Variants in STOML2 observed in about 807,000 individuals in gnomAD.
The protein encoded by STOML2 is stomatin like 2, also known as stomatin-like protein 2, mitochondrial.
In STOML2, 22 loss-of-function variants were observed where a neutral mutation model predicts 45.7. The observed-to-expected ratio is 0.48, with a 90% CI of 0.34 to 0.69. The LOEUF is 0.69. STOML2 is among the 30% of genes least tolerant of loss of function. The pLI, the probability that STOML2 is intolerant of heterozygous loss-of-function variation, is 0.01. For missense variants in STOML2, 359 were observed against 466.9 expected, an observed-to-expected ratio of 0.77 and a Z score of 2.13; for synonymous variants, 181 against 182.7, an observed-to-expected ratio of 0.99 and a Z score of 0.08.
chr9:35,100,141 G>A lies in STOML2; in HGVS notation c.965C>T (p.Ala322Val), dbSNP rs1829787069. ...TGAGTCTGGAGTCCCTGGCACTGGG[G>A]CTTTGGTGAGGGCTCCATATACACC... is the stretch of plus-strand genomic sequence containing the variant. ...AMGVYGALTK[A>V]PVPGTPDSLS... The change falls in exon 10 of 10, where the codon GCC (alanine) becomes GTC (valine). Residue 322 changes from alanine to valine, a missense_variant. By Grantham distance (64) the Ala-to-Val change is moderately conservative (BLOSUM62 0). This residue lies in a region of STOML2 where 285 missense variants were observed against 422.0 expected (regional missense o/e 0.68). Coordinates refer to ENST00000356493, the MANE Select transcript of STOML2 (RefSeq NM_013442.3). The A allele has an allele frequency of 6.2e-7, 1 of 1,614,058 alleles. No homozygotes were observed. Among genetic ancestry groups the A allele is most frequent in the African/African-American group, 1.3e-5 (1 of 74,918 alleles).
Position 35,102,473 on chromosome 9 carries a change from G to A in STOML2, c.183+213C>T. On this transcript the variant is annotated intron_variant, in intron 2 of 9. Transcript: ENST00000356493. The surrounding 1 kb of genome is among the most constrained non-coding windows in gnomAD (Gnocchi z 4.8). ...AGACTGAGAGGTAGGGCTGAGAGTG[G>A]GCAGGGGAGATTCCCAAGAATGGGG... The A allele has an allele frequency of 1.3e-6, 1 of 783,260 alleles. No individual in the cohort carries two copies. Among genetic ancestry groups the A allele is most frequent in the Non-Finnish European group, 2.0e-6 (1 of 498,632 alleles). The allele number at this position is 783,260 out of a possible 1,614,324, so 48.5% of individuals were successfully genotyped here. A position where few individuals can be genotyped will look rare whatever the true frequency, so the allele number is the denominator to read the frequency against.
rs769316607 is a variant in STOML2, at chr9:35,100,997, C to T, written c.739G>A (p.Val247Ile). 1 of 1,614,074 alleles carries T rather than the reference C, an allele frequency of 6.2e-7. No individual in the cohort carries two copies. The highest frequency in any genetic ancestry group is 8.5e-7 in the Non-Finnish European group (1 of 1,179,966). The change falls in exon 8 of 10, where the codon GTT (valine) becomes ATT (isoleucine). Residue 247 changes from valine to isoleucine, a missense_variant. This residue lies in a region of STOML2 where 285 missense variants were observed against 422.0 expected (regional missense o/e 0.68). Transcript: ENST00000356493. ...INQAAGEASA[V>I]LAKAKAKAEA... is the part of the protein sequence containing the mutation. The stretch of plus-strand genomic sequence containing the variant: ...GCTTTAGCCTTGGCCTTCGCCAGAA[C>T]TGCACTGGCCTCTCCTGCAAGAGAA...
Position 35,102,985 on chromosome 9 carries a change from C to T in STOML2, c.45+65G>A. On this transcript the variant is annotated intron_variant, in intron 1 of 9. Transcript: ENST00000356493. This position sits in a 1 kb window ranked among gnomAD's most constrained non-coding sequence, Gnocchi z 4.8. ...CCTCTCCAAAAGTTGGAATTTCGCT[C>T]TTTTCCAGCGGAGAACCCAGGTAAT... The T allele has an allele frequency of 1.9e-6, 3 of 1,603,366 alleles. No individual in the cohort carries two copies. Among genetic ancestry groups the T allele is most frequent in the Non-Finnish European group, 2.6e-6 (3 of 1,173,768 alleles).
Position 35,101,543 on chromosome 9 carries a change from A to G in STOML2, c.462T>C (p.Asn154=), listed in dbSNP as rs746763069. 2 of 1,614,124 alleles carry G rather than the reference A, an allele frequency of 1.2e-6. No individual in the cohort carries two copies. Among genetic ancestry groups the G allele is most frequent in the Admixed American group, 3.3e-5 (2 of 60,022 alleles). ...GGTTGATGGCATCCACAATGCTGGCATTCAGGGACTCCCGTTCCTGGAAAA... is the reference window on the plus strand; with the variant it reads ...GGTTGATGGCATCCACAATGCTGGCGTTCAGGGACTCCCGTTCCTGGAAAA... ...DKVFRERESL[N]ASIVDAINQA... The change falls in exon 6 of 10, where the codon AAT becomes AAC. Residue 154 remains asparagine, a synonymous_variant. Transcript: ENST00000356493. The surrounding 1 kb of genome is among the most constrained non-coding windows in gnomAD (Gnocchi z 4.3).
Position 35,102,616 on chromosome 9 carries a change from C to A in STOML2, c.183+70G>T, listed in dbSNP as rs958761005. The A allele has an allele frequency of 1.3e-6, 2 of 1,587,842 alleles. No homozygotes were observed. Among genetic ancestry groups the A allele is most frequent in the African/African-American group, 2.7e-5 (2 of 74,066 alleles). On this transcript the variant is annotated intron_variant, in intron 2 of 9. Transcript: ENST00000356493. The surrounding 1 kb of genome is among the most constrained non-coding windows in gnomAD (Gnocchi z 4.8). ...AGTGCGGGCAGGCCCAAAGGAAGTC[C>A]TCCCGACATTGCATGTCGTGAGGGA...
chr9:35,103,144 C>A (rs201034956), upstream of STOML2: 30 of 1,606,682 alleles, frequency 1.9e-5, no homozygotes, highest in Middle Eastern at 1.7e-4. Context: ...GCGGAGCGGT[C>A]GCTCCCAGAA....
In STOML2 at chr9:35,101,845, G is replaced by A. The variant is rs374435906; in HGVS notation, c.343-34C>T. ...GACACGGATAGTGTAAGAAGCTTGG[G>A]CACAAGATTTTAGTGAAGAGGGCAA... is the stretch of plus-strand genomic sequence containing the variant. On this transcript the variant is annotated intron_variant, in intron 4 of 9. Coordinates refer to ENST00000356493, the MANE Select transcript of STOML2 (RefSeq NM_013442.3). The surrounding 1 kb of genome is among the most constrained non-coding windows in gnomAD (Gnocchi z 4.3). 85 of 1,614,024 alleles carry A rather than the reference G, an allele frequency of 5.3e-5. No homozygotes were observed. The highest frequency in any genetic ancestry group is 6.7e-5 in the Non-Finnish European group (79 of 1,179,998).
Position 35,102,822 on chromosome 9 carries a change from C to G in STOML2, c.47G>C (p.Gly16Ala). The change falls in exon 2 of 10, where the codon GGC becomes GCC. Residue 16 changes from glycine (G) to alanine (A), a missense_variant and splice_region_variant. Physicochemically the swap from Gly to Ala is moderately conservative, Grantham distance 60. Coordinates refer to ENST00000356493, the MANE Select transcript of STOML2 (RefSeq NM_013442.3). This position sits in a 1 kb window ranked among gnomAD's most constrained non-coding sequence, Gnocchi z 4.8. ...AGCGCGGCCAGAAGCCAGTAGAGAG[C>G]CCTGAAGGAAAGAAGAGGGTGAGCA... Reference protein sequence around the residue: ...ARGTGALLLRGSLLASGRAPR... With the variant: ...ARGTGALLLRASLLASGRAPR... The G allele has an allele frequency of 6.2e-7, 1 of 1,613,830 alleles. No individual in the cohort carries two copies. The highest frequency in any genetic ancestry group is 2.2e-5 in the East Asian group (1 of 44,874).
At position 35,099,811 on chromosome 9, in the gene STOML2, G is replaced by A. The variant is rs867145896; in HGVS notation, c.*224C>T. 3.9e-6 allele frequency: 2 copies of A among 515,522 alleles called. No homozygotes were observed. Among genetic ancestry groups the A allele is most frequent in the Non-Finnish European group, 7.0e-6 (2 of 286,410 alleles). 31.9% of individuals were successfully genotyped at this position (515,522 alleles called of 1,614,324 possible). ...TACAAGAAGTTCACTCTTATTCATG[G>A]AGGCATCATGCTGACAGGACTGGAT... On this transcript the variant is annotated 3_prime_UTR_variant, in exon 10 of 10. Coordinates refer to ENST00000356493, the MANE Select transcript of STOML2 (RefSeq NM_013442.3).
At chr9:35,100,822 T>G in intron 8 of STOML2, 96 bp from the exon 9 acceptor site, 3 of 1,611,380 alleles carry the variant, frequency 1.9e-6, no homozygotes, top group Non-Finnish European at 2.5e-6. Context: ...AAAAGGACCA[T>G]GTAATCTGGC....
rs777519731 is a variant in STOML2 at position 35,101,829 on chromosome 9, A to C, written c.343-18T>G. 2.5e-6 allele frequency: 4 copies of C among 1,613,990 alleles called. No individual in the cohort carries two copies. The Admixed American group carries it at 6.7e-5, about 27-fold the overall frequency. ...TAGCTTGCCTGAGATGGACACGGAT[A>C]GTGTAAGAAGCTTGGGCACAAGATT... On this transcript the variant is annotated intron_variant, in intron 4 of 9. Transcript: ENST00000356493. This position sits in a 1 kb window ranked among gnomAD's most constrained non-coding sequence, Gnocchi z 4.3.
rs373344849 is a variant in STOML2, at chr9:35,103,126, C to T, written c.-32G>A. 3.7e-6 allele frequency: 6 copies of T among 1,610,732 alleles called. No homozygotes were observed. The highest frequency in any genetic ancestry group is 1.1e-5 in the South Asian group (1 of 90,984). On this transcript the variant is annotated 5_prime_UTR_variant, in exon 1 of 10. Coordinates refer to ENST00000356493, the MANE Select transcript of STOML2 (RefSeq NM_013442.3). Reference sequence around the variant, plus strand: ...CCGCCGCAGCGACCTCCGGAACCAACGAGACGAGCGGAGCGGTCGCTCCCA... The same window carrying T: ...CCGCCGCAGCGACCTCCGGAACCAATGAGACGAGCGGAGCGGTCGCTCCCA...
chr9:35,100,875 A>G (rs1422473943), intron 8 of STOML2, 57 bp downstream of exon 8: 1 of 1,613,148 alleles, frequency 6.2e-7, no homozygotes, highest in African/African-American at 1.3e-5. Context: ...AAGCGTAGAT[A>G]AGAGAACCCC....
In STOML2 at chr9:35,101,874, A is replaced by G; in HGVS notation, c.342+30T>C. ...AAGATTTTAGTGAAGAGGGCAACTC[A>G]AAAGGCTGGATAAAGTAGGGGACAG... On this transcript the variant is annotated intron_variant, in intron 4 of 9. Coordinates refer to ENST00000356493, the MANE Select transcript of STOML2 (RefSeq NM_013442.3). The surrounding 1 kb of genome is among the most constrained non-coding windows in gnomAD (Gnocchi z 4.3). 1 of 1,614,062 alleles carries G rather than the reference A, an allele frequency of 6.2e-7. No individual in the cohort carries two copies. The highest frequency in any genetic ancestry group is 8.5e-7 in the Non-Finnish European group (1 of 1,179,948).
chr9:35,099,872 C>A lies in STOML2; in HGVS notation c.*163G>T. On this transcript the variant is annotated 3_prime_UTR_variant, in exon 10 of 10. Transcript: ENST00000356493. ...TGCTAGTGACTTTCCCAACTTCATT[C>A]CCCAATCAAAGAGGACAGTTTCTGG... is the stretch of plus-strand genomic sequence containing the variant. 1.3e-6 allele frequency: 1 copy of A among 774,226 alleles called. No homozygotes were observed. 48.0% of individuals were successfully genotyped at this position (774,226 alleles called of 1,614,324 possible). A position where few individuals can be genotyped will look rare whatever the true frequency, so the allele number is the denominator to read the frequency against.
rs1263950434 is a variant in STOML2, at chr9:35,100,655, G to T, written c.876C>A (p.Asp292Glu). 6.2e-7 allele frequency: 1 copy of T among 1,614,168 alleles called. No homozygotes were observed. The highest frequency in any genetic ancestry group is 2.2e-5 in the East Asian group (1 of 44,876). The change falls in exon 9 of 10, where the codon GAC (aspartate) becomes GAA (glutamate). Residue 292 changes from aspartate (D) to glutamate (E), a missense_variant. Coordinates refer to ENST00000356493, the MANE Select transcript of STOML2 (RefSeq NM_013442.3). ...TGGAGGGCAGTAGGATAGTGTTGGA[G>T]TCCTTGGCCAGTTTGGAGAACGCGC... ...YVSAFSKLAK[D>E]SNTILLPSNP...
At position 35,102,498 on chromosome 9, in the gene STOML2, G is replaced by A. The variant is rs556875723; in HGVS notation, c.183+188C>T. ...GGCAGGGGAGATTCCCAAGAATGGG[G>A]CCTGTGAGATGCATAGGAAAAGGTG... On this transcript the variant is annotated intron_variant, in intron 2 of 9. Transcript: ENST00000356493. This position sits in a 1 kb window ranked among gnomAD's most constrained non-coding sequence, Gnocchi z 4.8. 4.4e-5 allele frequency: 42 copies of A among 944,492 alleles called. No individual in the cohort carries two copies. In the African/African-American group the frequency reaches 6.9e-4, roughly 16 times the overall value. 58.5% of individuals were successfully genotyped at this position (944,492 alleles called of 1,614,324 possible).
rs752603940 is a variant in STOML2 at position 35,101,063 on chromosome 9, A to G, written c.725-52T>C. Reference sequence around the variant, plus strand: ...TGACCCATGAAGTCAAAGTACCCCAAAGATCCTGCCCCAGCACCAATCTTC... The same window carrying G: ...TGACCCATGAAGTCAAAGTACCCCAGAGATCCTGCCCCAGCACCAATCTTC... On this transcript the variant is annotated intron_variant, in intron 7 of 9. Transcript: ENST00000356493. This position sits in a 1 kb window ranked among gnomAD's most constrained non-coding sequence, Gnocchi z 4.3. 1.8e-5 allele frequency: 29 copies of G among 1,612,118 alleles called. No individual in the cohort carries two copies. The South Asian group carries it at 2.5e-4, about 14-fold the overall frequency.
rs1164213394 is a variant in STOML2 at position 35,101,849 on chromosome 9, A to G, written c.343-38T>C. On this transcript the variant is annotated intron_variant, in intron 4 of 9. Transcript: ENST00000356493. This position sits in a 1 kb window ranked among gnomAD's most constrained non-coding sequence, Gnocchi z 4.3. ...CGGATAGTGTAAGAAGCTTGGGCAC[A>G]AGATTTTAGTGAAGAGGGCAACTCA... The G allele has an allele frequency of 6.2e-7, 1 of 1,614,180 alleles. No homozygotes were observed. The highest frequency in any genetic ancestry group is 1.7e-5 in the Admixed American group (1 of 60,024).
Sources: allele counts gnomAD v4.1 joint callset, GRCh38; gene constraint gnomAD v4.1.1; regional missense constraint gnomAD v4.1.1; non-coding constraint Gnocchi (gnomAD v3.1); transcripts MANE v1.5; gene names NCBI Gene and HGNC (gene_info 2026-07-23, HGNC 2026-07-21).